Variants in TGFBR3 observed in about 807,000 individuals in gnomAD.
TGFBR3 encodes transforming growth factor beta receptor type 3.
Under a neutral mutation model 87.9 loss-of-function variants are expected in TGFBR3, and 46 were observed. The ratio of observed to expected loss-of-function variants is 0.52; its 90% CI spans 0.41 to 0.67. The LOEUF (loss-of-function observed/expected upper bound fraction) is 0.67, where lower values mean the gene tolerates loss of function less well. Ranked by LOEUF, TGFBR3 falls within the 30% of genes least tolerant of loss-of-function variation. The pLI, the probability that TGFBR3 is intolerant of heterozygous loss-of-function variation, is 0.00. For synonymous variants in TGFBR3, 381 were observed against 391.6 expected (o/e 0.97, Z 0.32); for missense variants, 866 against 1,041.9 (o/e 0.83, Z 2.32).
At chr1:91,686,607 T>TAAG (rs111718357) in intron 16 of TGFBR3, among the ~76,000 whole-genome samples, 20 of 151,538 alleles carry the variant, frequency 1.3e-4, no homozygotes, top group East Asian at 5.8e-4. Context: ...TTTGACAGAT[T>TAAG]AAGTTTTTTC....
chr1:91,681,069 G>A lies in TGFBR3; in HGVS notation c.*2670C>T, dbSNP rs1303126299. The A allele has an allele frequency of 2.2e-6, 1 of 454,084 alleles. No individual in the cohort carries two copies. 28.1% of individuals were successfully genotyped at this position (454,084 alleles called of 1,614,324 possible). A position where few individuals can be genotyped will look rare whatever the true frequency, so the allele number is the denominator to read the frequency against. On this transcript the variant is annotated 3_prime_UTR_variant, in exon 17 of 17. Transcript: ENST00000212355. ...AAAATGGCCTCTGCAAATTAAGGGT[G>A]TAGCCTGCAGAAATAACAAAAGACT...
intron 4 of TGFBR3, among the ~76,000 whole-genome samples, chr1:91,749,266 G>A (rs1673453016): frequency 6.6e-6 from 1 of 152,184 alleles, no homozygotes; most frequent in African/African-American, 2.4e-5. Flanking sequence ...AATGGACTGT[G>A]AGACTTTTGC....
chr1:91,697,992 C>T (rs573630819), intron 15 of TGFBR3, 97 bp downstream of exon 15: 1 of 1,154,900 alleles, frequency 8.7e-7, no homozygotes, highest in East Asian at 2.3e-5. Context: ...CAGAAGTCTC[C>T]TTATCAAAAC....
intron 15 of TGFBR3, 127 bp downstream of exon 15, chr1:91,697,961 AG>A: frequency 1.2e-6 from 1 of 840,602 alleles, no homozygotes. Context: ...GGAAAGGGGA[AG>A]GGGGAAGGGG....
chr1:91,854,470 C>T (rs974622210), intron 2 of TGFBR3, among the ~76,000 whole-genome samples: 1 of 152,156 alleles, frequency 6.6e-6, no homozygotes, highest in African/African-American at 2.4e-5. Context: ...CAGTGCCCAG[C>T]TTGGAGCTGC....
chr1:91,792,716 CT>C (rs1371309339), intron 3 of TGFBR3, among the ~76,000 whole-genome samples: 1 of 152,188 alleles, frequency 6.6e-6, no homozygotes, highest in African/African-American at 2.4e-5. Flanking sequence ...AGCAATTAAA[CT>C]CGGGAGTCCG....
At chr1:91,832,301 T>C (rs1676879783) in intron 2 of TGFBR3, among the ~76,000 whole-genome samples, 1 of 152,258 alleles carries the variant, frequency 6.6e-6, no homozygotes, top group Admixed American at 6.5e-5. Flanking sequence ...TTGCAAATAC[T>C]AAGGTCATCT....
chr1:91,780,300 T>C (rs1043785728), intron 3 of TGFBR3, among the ~76,000 whole-genome samples: 2 of 152,206 alleles, frequency 1.3e-5, no homozygotes, highest in African/African-American at 4.8e-5. Flanking sequence ...TTTTCCCTTT[T>C]ACATGAGAAT....
At chr1:91,765,712 T>TTTC (rs1674156153) in intron 3 of TGFBR3, among the ~76,000 whole-genome samples, 1 of 152,250 alleles carries the variant, frequency 6.6e-6, no homozygotes, top group South Asian at 2.1e-4. Context: ...TGGAGCGTGT[T>TTTC]TTCTTCCTTA....
Position 91,761,119 on chromosome 1 carries a change from T to A in TGFBR3, c.247-2369A>T, listed in dbSNP as rs1673944981. On this transcript the variant is annotated intron_variant, in intron 3 of 16. Transcript: ENST00000212355. ...AGATTTTCTTTGCAGTCCTCAGGCA[T>A]ACAATTCTTCTTAGAGCTCATAGAT... Among the ~76,000 whole-genome samples, 6 of 152,374 alleles carry A rather than the reference T, an allele frequency of 3.9e-5. No individual in the cohort carries two copies. The South Asian group carries it at 1.2e-3, about 32-fold the overall frequency.
At chr1:91,750,157 G>C (rs284173) in intron 4 of TGFBR3, among the ~76,000 whole-genome samples, 23,903 of 152,194 alleles carry the variant, frequency 0.16, 2,001 homozygotes, top group African/African-American at 0.21. Flanking sequence ...GCCAGGAAAA[G>C]TCTACACTTG....
chr1:91,891,151 A>C (rs1262802173), upstream of TGFBR3, among the ~76,000 whole-genome samples: 1 of 149,420 alleles, frequency 6.7e-6, no homozygotes, highest in Non-Finnish European at 1.5e-5. Context: ...GGCCTCCCAA[A>C]GTGCTGGGAT....
chr1:91,786,213 A>G (rs1230860302), intron 3 of TGFBR3: 1 of 456,158 alleles, frequency 2.2e-6, no homozygotes, highest in Non-Finnish European at 4.4e-6. Context: ...CTTAATAGTG[A>G]TTCATTGAAC....
chr1:91,686,092 C>T (rs1476898652), intron 16 of TGFBR3, among the ~76,000 whole-genome samples: 2 of 152,184 alleles, frequency 1.3e-5, no homozygotes, highest in African/African-American at 2.4e-5. Context: ...AAGAGAAGGC[C>T]TTGCTTCATC....
intron 3 of TGFBR3, among the ~76,000 whole-genome samples, chr1:91,760,586 T>C (rs900046133): frequency 1.3e-5 from 2 of 152,210 alleles, no homozygotes; most frequent in African/African-American, 2.4e-5. Context: ...TTTAGCTGGC[T>C]AATTTGCAAA....
intron 3 of TGFBR3, among the ~76,000 whole-genome samples, chr1:91,768,464 ATC>A (rs1180496248): frequency 6.6e-6 from 1 of 152,182 alleles, no homozygotes; most frequent in South Asian, 2.1e-4. Context: ...TAGGTTTTGG[ATC>A]TGTGTCCCCA....
At chr1:91,848,044 G>A (rs964246790) in intron 2 of TGFBR3, among the ~76,000 whole-genome samples, 6 of 152,144 alleles carry the variant, frequency 3.9e-5, no homozygotes, top group African/African-American at 1.4e-4. Flanking sequence ...CAGTCAGAGA[G>A]CTAAAGGCAT....
chr1:91,743,651 C>G (rs1319556138), intron 4 of TGFBR3, among the ~76,000 whole-genome samples: 1 of 152,144 alleles, frequency 6.6e-6, no homozygotes, highest in East Asian at 1.9e-4. Context: ...TGGGTATACC[C>G]CAAGTGTTGG....
At chr1:91,865,215 A>C (rs1292606165) in intron 1 of TGFBR3, among the ~76,000 whole-genome samples, 1 of 151,432 alleles carries the variant, frequency 6.6e-6, no homozygotes, top group Non-Finnish European at 1.5e-5. Context: ...AAAAAAAAAA[A>C]AAAAGAAAAA....
Sources: gnomAD v4.1 joint callset for allele counts (sites outside exome capture counted in the v4.1 genomes callset) on GRCh38, gnomAD v4.1.1 for gene constraint, MANE v1.5 for transcripts, NCBI Gene and HGNC (gene_info 2026-07-23, HGNC 2026-07-21) for gene names.